SYNE2: variants seen among roughly 807,000 people sequenced by gnomAD.
SYNE2 encodes spectrin repeat containing nuclear envelope protein 2.
In SYNE2, 431 loss-of-function variants were observed where a neutral mutation model predicts 856.3. The observed-to-expected ratio is 0.50, with a 90% CI of 0.47 to 0.55. The LOEUF (loss-of-function observed/expected upper bound fraction) is 0.55, where lower values mean the gene tolerates loss of function less well. SYNE2 is among the 20% of genes least tolerant of loss of function. SYNE2 has a pLI of 0.00. For missense variants in SYNE2, 8,129 were observed against 8,023.2 expected (o/e 1.01, Z -0.50); for synonymous variants, 2,923 against 2,872.3 (o/e 1.02, Z -0.56).
At chr14:63,762,999 C>A (rs1204560434) in intron 1 of SYNE2, among the ~76,000 whole-genome samples, 1 of 152,178 alleles carries the variant, frequency 6.6e-6, no homozygotes, top group Non-Finnish European at 1.5e-5. Context: ...GACAGAGTCT[C>A]ACCTGTGGCC....
chr14:64,119,664 G>T, intron 67 of SYNE2, 55 bp downstream of exon 67: 1 of 1,583,544 alleles, frequency 6.3e-7, no homozygotes, highest in Non-Finnish European at 8.6e-7. Context: ...TGGCAGACCT[G>T]CCAGAAGAGA....
At chr14:63,941,292 C>CA (rs1224759740) in intron 3 of SYNE2, among the ~76,000 whole-genome samples, 1 of 152,164 alleles carries the variant, frequency 6.6e-6, no homozygotes, top group African/African-American at 2.4e-5. Context: ...ACAGACCACA[C>CA]ACTGTTTTTT....
At chr14:63,969,169 C>CT (rs34436117) in intron 11 of SYNE2, among the ~76,000 whole-genome samples, 1,706 of 128,904 alleles carry the variant, frequency 0.013, 27 homozygotes, top group East Asian at 0.088. Flanking sequence ...GAATCTCATT[C>CT]TTTTTTTTTT....
Position 64,053,643 on chromosome 14 carries a change from A to C in SYNE2, c.9730A>C (p.Ile3244Leu). 1 of 1,613,564 alleles carries C rather than the reference A, an allele frequency of 6.2e-7. No homozygotes were observed. The highest frequency in any genetic ancestry group is 1.1e-5 in the South Asian group (1 of 90,956). Reference sequence around the variant, plus strand: ...TCTTCAGATGCAGCTTAACACAAGCATTGATTTGCGCACAGTAAGTTTTAA... The same window carrying C: ...TCTTCAGATGCAGCTTAACACAAGCCTTGATTTGCGCACAGTAAGTTTTAA... ...EDLQMQLNTS[I>L]DLRTNVLNDA... is the part of the protein sequence containing the mutation. The change falls in exon 48 of 116, where the codon ATT (isoleucine) becomes CTT (leucine). Residue 3244 changes from isoleucine (I) to leucine (L), a missense_variant. Ile to Leu is a conservative substitution (Grantham distance 5). This residue lies in a region of SYNE2 where 5,410 missense variants were observed against 5,284.8 expected (regional missense o/e 1.02). Transcript: ENST00000555002.
intron 89 of SYNE2, 75 bp from the exon 90 acceptor site, chr14:64,165,210 G>C: frequency 1.3e-6 from 2 of 1,518,884 alleles, no homozygotes; most frequent in South Asian, 2.3e-5. Context: ...ATTTTTAGCA[G>C]CTCCCAAGCC....
chr14:64,075,796 G>A, intron 53 of SYNE2, 149 bp from the exon 54 acceptor site: 2 of 763,742 alleles, frequency 2.6e-6, no homozygotes, highest in South Asian at 1.5e-5. Flanking sequence ...TGTCTCTGGG[G>A]CTTAATCAGC....
chr14:64,134,258 T>A, intron 78 of SYNE2, 58 bp downstream of exon 78: 2 of 1,586,690 alleles, frequency 1.3e-6, no homozygotes, highest in Non-Finnish European at 1.7e-6. Context: ...GTGTTTTACA[T>A]TTGTTTTGAC....
rs758573149 is a variant in SYNE2 at position 64,051,672 on chromosome 14, C to G, written c.7759C>G (p.His2587Asp). The change falls in exon 48 of 116, where the codon CAC becomes GAC. Residue 2587 changes from histidine to aspartate, a missense_variant. By Grantham distance (81) the His-to-Asp change is moderately conservative (BLOSUM62 -1). This residue lies in a region of SYNE2 where 5,410 missense variants were observed against 5,284.8 expected (regional missense o/e 1.02). Transcript: ENST00000555002. Reference protein sequence around the residue: ...LKIKWENLSNHVTDMDKKLLE... With the variant: ...LKIKWENLSNDVTDMDKKLLE... ...AATCAAATGGGAGAATTTATCAAAC[C>G]ACGTGACTGACATGGATAAGAAATT... 21 of 1,614,012 alleles carry G rather than the reference C, an allele frequency of 1.3e-5. No homozygotes were observed.
chr14:63,995,457 C>G (rs1002639559), intron 23 of SYNE2, among the ~76,000 whole-genome samples: 3 of 152,138 alleles, frequency 2.0e-5, no homozygotes, highest in Admixed American at 6.5e-5. Flanking sequence ...TGTCCTCAGA[C>G]TCTGGTCACA....
At chr14:64,224,067 G>C (rs550261737) in intron 113 of SYNE2, among the ~76,000 whole-genome samples, 15 of 151,700 alleles carry the variant, frequency 9.9e-5, no homozygotes, top group East Asian at 5.8e-4. Context: ...ATTTAAGGCT[G>C]GGCACAGTGG....
chr14:64,140,163 T>C, intron 80 of SYNE2, 90 bp downstream of exon 80: 1 of 1,344,252 alleles, frequency 7.4e-7, no homozygotes, highest in Non-Finnish European at 1.1e-6. Context: ...AGTCTTCGTA[T>C]TTATTTGTGG....
At chr14:63,857,704 A>T (rs921355717) in intron 1 of SYNE2, among the ~76,000 whole-genome samples, 6 of 152,130 alleles carry the variant, frequency 3.9e-5, no homozygotes, top group African/African-American at 1.2e-4. Flanking sequence ...CATTTCCCTG[A>T]TGACTAATGA....
chr14:63,864,366 C>G (rs1429720102), intron 1 of SYNE2: 1 of 152,142 alleles, frequency 6.6e-6, no homozygotes, highest in East Asian at 1.9e-4. Context: ...TGATTATATT[C>G]CCTTGTGAGC....
At chr14:63,982,847 A>T in intron 17 of SYNE2, 53 bp downstream of exon 17, 4 of 1,559,628 alleles carry the variant, frequency 2.6e-6, no homozygotes, top group Non-Finnish European at 3.5e-6. Flanking sequence ...CATGTACCAC[A>T]CAATTTACTC....
At chr14:64,132,925 G>A (rs1414626830) in intron 77 of SYNE2, among the ~76,000 whole-genome samples, 2 of 152,132 alleles carry the variant, frequency 1.3e-5, no homozygotes, top group South Asian at 2.1e-4. Context: ...GAAGGAGGCC[G>A]GGCGCAGTGG....
At chr14:64,015,089 CGT>C (rs915029266) in intron 32 of SYNE2, among the ~76,000 whole-genome samples, 1 of 139,874 alleles carries the variant, frequency 7.1e-6, no homozygotes, top group Non-Finnish European at 1.5e-5. Flanking sequence ...ATATATATAA[CGT>C]GTATATATAT....
chr14:64,093,270 T>C, intron 60 of SYNE2, 79 bp from the exon 61 acceptor site: 1 of 1,550,056 alleles, frequency 6.5e-7, no homozygotes, highest in Non-Finnish European at 8.8e-7. Context: ...AAAACTTCCA[T>C]GGGGCTAGAC....
intron 1 of SYNE2, among the ~76,000 whole-genome samples, chr14:63,766,600 G>A (rs926376950): frequency 6.6e-6 from 1 of 152,150 alleles, no homozygotes; most frequent in Non-Finnish European, 1.5e-5. Context: ...CAGAAGTGCA[G>A]GTTTAGCAGT....
chr14:63,988,554 T>C (rs185371061), intron 19 of SYNE2, among the ~76,000 whole-genome samples: 1 of 152,304 alleles, frequency 6.6e-6, no homozygotes, highest in East Asian at 1.9e-4. Flanking sequence ...ACAAATAAGA[T>C]CAACATTTAC....
Sources: allele counts gnomAD v4.1 joint callset (sites outside exome capture counted in the v4.1 genomes callset), GRCh38; gene constraint gnomAD v4.1.1; regional missense constraint gnomAD v4.1.1; transcripts MANE v1.5; gene names NCBI Gene and HGNC (gene_info 2026-07-23, HGNC 2026-07-21).